Variants in CNTN1 observed in about 807,000 individuals in gnomAD.
CNTN1 encodes the protein contactin 1.
In CNTN1, 38 loss-of-function variants were observed where a neutral mutation model predicts 126.4. The observed-to-expected ratio is 0.30, with a 90% confidence interval of 0.23 to 0.39. CNTN1 has a LOEUF of 0.39. Among genes scored for constraint, CNTN1 ranks in the 10% least tolerant of loss-of-function variants. CNTN1 has a pLI of 1.00. For missense variants in CNTN1, 1,009 were observed against 1,248.4 expected, an observed-to-expected ratio of 0.81 and a Z score of 2.89; for synonymous variants, 413 against 422.6, an observed-to-expected ratio of 0.98 and a Z score of 0.28.
At chr12:41,065,850 C>T (rs1014618339) in intron 23 of CNTN1, among the ~76,000 whole-genome samples, 2 of 152,180 alleles carry the variant, frequency 1.3e-5, no homozygotes, top group African/African-American at 4.8e-5. Flanking sequence ...GTCTGTCATA[C>T]GAATCTGAAT....
chr12:40,761,442 G>A (rs954394175), intron 1 of CNTN1, among the ~76,000 whole-genome samples: 8 of 151,986 alleles, frequency 5.3e-5, no homozygotes, highest in African/African-American at 1.7e-4. Context: ...TTCTTGAAAA[G>A]TTTTAGTAAA....
chr12:40,816,811 T>C (rs1405799633), intron 1 of CNTN1, among the ~76,000 whole-genome samples: 1 of 152,192 alleles, frequency 6.6e-6, no homozygotes, highest in South Asian at 2.1e-4. Flanking sequence ...AACACTGCCA[T>C]AGCTGTGTCC....
intron 20 of CNTN1, among the ~76,000 whole-genome samples, chr12:41,021,796 C>A (rs1948919196): frequency 6.6e-6 from 1 of 152,020 alleles, no homozygotes; most frequent in Non-Finnish European, 1.5e-5. Flanking sequence ...ACTTACTAAC[C>A]TGACAATTGT....
At chr12:40,820,842 T>C (rs1304950093) in intron 1 of CNTN1, among the ~76,000 whole-genome samples, 1 of 152,192 alleles carries the variant, frequency 6.6e-6, no homozygotes, top group Non-Finnish European at 1.5e-5. Flanking sequence ...CAGTGATTTA[T>C]TGTGTGATTA....
intron 1 of CNTN1, among the ~76,000 whole-genome samples, chr12:40,772,369 T>C (rs1939375088): frequency 6.6e-6 from 1 of 152,020 alleles, no homozygotes; most frequent in South Asian, 2.1e-4. Context: ...ATAGATGACT[T>C]CCATAGTAAG....
intron 16 of CNTN1, among the ~76,000 whole-genome samples, chr12:40,989,025 A>G (rs187139519): frequency 6.6e-6 from 1 of 152,298 alleles, no homozygotes; most frequent in East Asian, 1.9e-4. Flanking sequence ...TCCAAGAATA[A>G]CAAACAGGTT....
rs78788558 is a variant in CNTN1 at position 40,711,431 on chromosome 12, C to T, written c.-77+18839C>T. 4.7e-4 allele frequency among the ~76,000 whole-genome samples: 72 copies of T among 152,204 alleles called. 1 individual carries two copies. The highest frequency in any genetic ancestry group is 1.7e-3 in the African/African-American group (70 of 41,542). ...TCCTCTTGGGTTCTGGGTTATATCC[C>T]TTCACATTTTTAGGGACCTCACTGT... On this transcript the variant is annotated intron_variant, in intron 1 of 23. Coordinates refer to ENST00000551295, the MANE Select transcript of CNTN1 (RefSeq NM_001843.4).
intron 23 of CNTN1, among the ~76,000 whole-genome samples, chr12:41,054,867 C>T (rs1474870251): frequency 2.6e-5 from 4 of 152,170 alleles, no homozygotes; most frequent in Non-Finnish European, 4.4e-5. Flanking sequence ...ATATTTTCTA[C>T]ACAGCTCTGC....
chr12:40,761,302 A>C (rs1157203754), intron 1 of CNTN1, among the ~76,000 whole-genome samples: 4 of 152,098 alleles, frequency 2.6e-5, no homozygotes, highest in Admixed American at 6.5e-5. Flanking sequence ...ACACCATTTA[A>C]TTTTCTCATA....
At chr12:40,888,106 T>C (rs981488030) in intron 1 of CNTN1, among the ~76,000 whole-genome samples, 14 of 151,962 alleles carry the variant, frequency 9.2e-5, no homozygotes, top group Non-Finnish European at 2.1e-4. Context: ...ATGGCACATG[T>C]ATACATATGT....
At chr12:40,951,775 A>G (rs914589268) in intron 14 of CNTN1, among the ~76,000 whole-genome samples, 1 of 151,380 alleles carries the variant, frequency 6.6e-6, no homozygotes, top group Non-Finnish European at 1.5e-5. Context: ...TGATTATGTA[A>G]GAAAATGACC....
intron 1 of CNTN1, among the ~76,000 whole-genome samples, chr12:40,727,395 A>C (rs1942385112): frequency 1.3e-5 from 2 of 152,008 alleles, no homozygotes; most frequent in Admixed American, 6.6e-5. Flanking sequence ...GATACATGGA[A>C]TGTAGAGGAT....
intron 1 of CNTN1, among the ~76,000 whole-genome samples, chr12:40,719,994 G>A (rs949648539): frequency 8.0e-5 from 12 of 149,738 alleles, no homozygotes; most frequent in Non-Finnish European, 1.3e-4. Flanking sequence ...CATGCACCAC[G>A]CCCGGTTAAT....
intron 21 of CNTN1, among the ~76,000 whole-genome samples, chr12:41,025,882 C>T (rs1400374920): frequency 6.6e-6 from 1 of 152,126 alleles, no homozygotes; most frequent in Non-Finnish European, 1.5e-5. Context: ...ATTTTGATAT[C>T]TCTGTTCTTG....
At chr12:41,023,083 A>G (rs554703592) in intron 20 of CNTN1, among the ~76,000 whole-genome samples, 1 of 152,140 alleles carries the variant, frequency 6.6e-6, no homozygotes, top group African/African-American at 2.4e-5. Flanking sequence ...TTAAAATATG[A>G]TGGGAGAAGC....
chr12:40,744,969 T>G (rs1938120084), intron 1 of CNTN1, among the ~76,000 whole-genome samples: 1 of 152,152 alleles, frequency 6.6e-6, no homozygotes, highest in Non-Finnish European at 1.5e-5. Flanking sequence ...CTTACATGTT[T>G]GTGATTGGAC....
intron 23 of CNTN1, among the ~76,000 whole-genome samples, 171 bp downstream of exon 23, chr12:41,029,390 A>C (rs1015307403): frequency 6.6e-6 from 1 of 152,216 alleles, no homozygotes; most frequent in Admixed American, 6.6e-5. Flanking sequence ...ATGAGTCACA[A>C]AAGTAAGTCT....
chr12:40,702,377 G>T (rs1010812101), intron 1 of CNTN1, among the ~76,000 whole-genome samples: 4 of 152,056 alleles, frequency 2.6e-5, no homozygotes, highest in African/African-American at 9.7e-5. Context: ...GAATACTTGG[G>T]TTGTTTCCAG....
At chr12:41,059,117 C>A (rs1351653624) in intron 23 of CNTN1, among the ~76,000 whole-genome samples, 1 of 152,090 alleles carries the variant, frequency 6.6e-6, no homozygotes, top group African/African-American at 2.4e-5. Context: ...GAAGAAAAAT[C>A]TTAATAGCAA....
Sources: allele counts gnomAD v4.1 joint callset (sites outside exome capture counted in the v4.1 genomes callset), GRCh38; gene constraint gnomAD v4.1.1; transcripts MANE v1.5; gene names NCBI Gene and HGNC (gene_info 2026-07-23, HGNC 2026-07-21).